The following DDX51 variants were observed in gnomAD, a reference collection of about 807,000 sequenced individuals.
DDX51 encodes the protein DEAD-box helicase 51.
A neutral mutation model predicts 74.6 loss-of-function variants in DDX51; 67 were observed. The ratio of observed to expected loss-of-function variants is 0.90; its 90% CI spans 0.74 to 1.10. The LOEUF is 1.10. Ranked by LOEUF, DDX51 falls within the 50% of genes least tolerant of loss-of-function variation. The pLI is 0.00. For synonymous variants in DDX51, 545 were observed against 402.9 expected, an observed-to-expected ratio of 1.35 and a Z score of -4.22; for missense variants, 1,056 against 905.2, an observed-to-expected ratio of 1.17 and a Z score of -2.14.
At chr12:132,142,477 C>T (rs940589310) in intron 3 of DDX51, 55 bp from the exon 4 acceptor site, 24 of 1,580,236 alleles carry the variant, frequency 1.5e-5, no homozygotes, top group East Asian at 4.5e-5. Flanking sequence ...CTAGGCCTGC[C>T]GCTTCCCTGC....
At position 132,143,076 on chromosome 12, in the gene DDX51, C is replaced by T. The variant is rs960943944; in HGVS notation, c.520-198G>A. 4 of 650,742 alleles carry T rather than the reference C, an allele frequency of 6.1e-6. No individual in the cohort carries two copies. The African/African-American group carries it at 7.3e-5, about 12-fold the overall frequency. The allele number at this position is 650,742 out of a possible 1,614,324, so 40.3% of individuals were successfully genotyped here. The stretch of plus-strand genomic sequence containing the variant: ...AGATGCCACTCCCTGAGCAAACTCA[C>T]TCTGTAGCCTCCCATCAACCCACAG... On this transcript the variant is annotated intron_variant, in intron 2 of 14. Transcript: ENST00000397333.
At position 132,143,225 on chromosome 12, in the gene DDX51, C is replaced by T. The variant is rs570414473; in HGVS notation, c.520-347G>A. 9 of 411,926 alleles carry T rather than the reference C, an allele frequency of 2.2e-5. No homozygotes were observed. The East Asian group carries it at 5.2e-4, about 24-fold the overall frequency. 25.5% of individuals were successfully genotyped at this position (411,926 alleles called of 1,614,324 possible). A position where few individuals can be genotyped will look rare whatever the true frequency, so the allele number is the denominator to read the frequency against. On this transcript the variant is annotated intron_variant, in intron 2 of 14. Transcript: ENST00000397333. ...CCAACCCCCAACCTTGACCTGGCTT[C>T]AAGTCTTTGCATCCCAACTCAAAGA...
chr12:132,139,600 C>T (rs369499606), intron 14 of DDX51, 35 bp downstream of exon 14: 13 of 1,612,922 alleles, frequency 8.1e-6, no homozygotes, highest in Non-Finnish European at 1.1e-5. Flanking sequence ...AACGCCCTCC[C>T]CAGAGGGTTT....
At position 132,140,215 on chromosome 12, in the gene DDX51, G is replaced by A. The variant is rs765202739; in HGVS notation, c.1674-16C>T. 18 of 1,608,218 alleles carry A rather than the reference G, an allele frequency of 1.1e-5. No individual in the cohort carries two copies. In the Middle Eastern group the frequency reaches 1.5e-3, roughly 133 times the overall value. ...GCTGATGAGCCTGCCGGGACACGCA[G>A]CATTGTGGGCCCGACGTGCCAGGAG... On this transcript the variant is annotated splice_polypyrimidine_tract_variant and intron_variant, in intron 11 of 14. Coordinates refer to ENST00000397333, the MANE Select transcript of DDX51 (RefSeq NM_175066.4).
At position 132,137,460 on chromosome 12, in the gene DDX51, C is replaced by G. The variant is rs936196558; in HGVS notation, c.*1812G>C. The G allele has an allele frequency of 6.6e-6, 1 of 152,244 alleles. No homozygotes were observed. The highest frequency in any genetic ancestry group is 1.5e-5 in the Non-Finnish European group (1 of 68,054). The allele number at this position is 152,244 out of a possible 1,614,324, so 9.4% of individuals were successfully genotyped here. ...TGGGGACTGGCTTTACCCCGTCTACCTAAATCATTTCTTTCTGCCTCCTGT... is the reference window on the plus strand; with the variant it reads ...TGGGGACTGGCTTTACCCCGTCTACGTAAATCATTTCTTTCTGCCTCCTGT... On this transcript the variant is annotated 3_prime_UTR_variant, in exon 15 of 15. Transcript: ENST00000397333.
At position 132,141,305 on chromosome 12, in the gene DDX51, C is replaced by G. The variant is rs773367671; in HGVS notation, c.1220G>C (p.Arg407Pro). 1 of 1,597,498 alleles carries G rather than the reference C, an allele frequency of 6.3e-7. No individual in the cohort carries two copies. Among genetic ancestry groups the G allele is most frequent in the East Asian group, 2.2e-5 (1 of 44,830 alleles). Residue 407 changes from arginine to proline, a missense_variant, in exon 8 of 15, where the codon CGA becomes CCA. Physicochemically the swap from Arg to Pro is moderately radical, Grantham distance 103 (BLOSUM62 -2). Transcript: ENST00000397333. Reference sequence around the variant, plus strand: ...GGCTGTCACAGCCTGGGCCTGCCTTCGCTGGAGCAGGGCACAGGGGTCCGC... The same window carrying G: ...GGCTGTCACAGCCTGGGCCTGCCTTGGCTGGAGCAGGGCACAGGGGTCCGC... ...DPADPCALLQ[R>P]RQAQAVTAAS...
In DDX51 at chr12:132,142,194, A is replaced by G. The variant is rs750679387; in HGVS notation, c.817-4T>C. The G allele has an allele frequency of 3.8e-6, 6 of 1,571,002 alleles. No individual in the cohort carries two copies. In the African/African-American group the frequency reaches 5.4e-5, roughly 14 times the overall value. ...AGACCACTCTCGAAAGCAGGGCCTG[A>G]GGGGGAAGGAGCGCCTGCGTCAGCA... is the stretch of plus-strand genomic sequence containing the variant. On this transcript the variant is annotated splice_polypyrimidine_tract_variant and splice_region_variant and intron_variant, in intron 4 of 14. Coordinates refer to ENST00000397333, the MANE Select transcript of DDX51 (RefSeq NM_175066.4).
Position 132,140,142 on chromosome 12 carries a change from C to A in DDX51, c.1731G>T (p.Val577=). 6 of 1,612,718 alleles carry A rather than the reference C, an allele frequency of 3.7e-6. No individual in the cohort carries two copies. The highest frequency in any genetic ancestry group is 5.1e-6 in the Non-Finnish European group (6 of 1,179,928). Residue 577 remains valine, a synonymous_variant, in exon 12 of 15, where the codon GTG becomes GTT. Coordinates refer to ENST00000397333, the MANE Select transcript of DDX51 (RefSeq NM_175066.4). The part of the protein sequence containing the change: ...RGIDVQGVEL[V]VNYDAPQYLR... ...GGTACTGGGGGGCGTCGTAGTTCACCACCAGCTCCACACCCTGCACGTCGA... is the reference window on the plus strand; with the variant it reads ...GGTACTGGGGGGCGTCGTAGTTCACAACCAGCTCCACACCCTGCACGTCGA...
Position 132,142,119 on chromosome 12 carries a change from C to G in DDX51, c.888G>C (p.Gln296His). The change falls in exon 5 of 15, where the codon CAG becomes CAC. Residue 296 changes from glutamine to histidine, a missense_variant and splice_region_variant. By Grantham distance (24) the Gln-to-His change is conservative (BLOSUM62 0). Coordinates refer to ENST00000397333, the MANE Select transcript of DDX51 (RefSeq NM_175066.4). ...VVLPTKELAQ[Q>H]VSKVFNIYTD... ...CGCTCCAGGTCTAGGGTCCACATAC[C>G]TGCTGGGCCAGCTCCTTGGTGGGCA... is the stretch of plus-strand genomic sequence containing the variant. 1 of 1,548,266 alleles carries G rather than the reference C, an allele frequency of 6.5e-7. No individual in the cohort carries two copies. The highest frequency in any genetic ancestry group is 2.3e-5 in the East Asian group (1 of 44,366).
intron 10 of DDX51, 33 bp from the exon 11 acceptor site, chr12:132,140,572 C>T: frequency 6.2e-7 from 1 of 1,612,818 alleles, no homozygotes; most frequent in Non-Finnish European, 8.5e-7. Context: ...CCAAGTGATG[C>T]TGGGACCAGA....
chr12:132,140,950 G>A lies in DDX51; in HGVS notation c.1321C>T (p.Leu441=). ...GGCTGGTGGAGGCCCAGCTGCTGCA[G>A]CTTTTCAGGGTTCTGGGTCAGAGTA... ...SATLTQNPEK[L]QQLGLHQPRL... is the part of the protein sequence containing the mutation. The change falls in exon 9 of 15, where the codon CTG becomes TTG. Residue 441 remains leucine, a synonymous_variant. Transcript: ENST00000397333. 1 of 1,613,220 alleles carries A rather than the reference G, an allele frequency of 6.2e-7. No homozygotes were observed. Among genetic ancestry groups the A allele is most frequent in the Non-Finnish European group, 8.5e-7 (1 of 1,179,918 alleles).
At chr12:132,139,466 G>T in intron 14 of DDX51, 168 bp from the exon 15 acceptor site, 2 of 1,523,288 alleles carry the variant, frequency 1.3e-6, no homozygotes, top group Non-Finnish European at 1.8e-6. Flanking sequence ...TCCACCACTG[G>T]TGCCCAGGGG....
At chr12:132,139,540 TCCTCTTTTTC>T (rs1474988629) in intron 14 of DDX51, 85 bp downstream of exon 14, 1 of 1,608,190 alleles carries the variant, frequency 6.2e-7, no homozygotes, top group Non-Finnish European at 8.5e-7. Flanking sequence ...CTTCTCGCTT[TCCTCTTTTTC>T]CCTCTTTTCT....
chr12:132,143,725 C>CA lies in DDX51; in HGVS notation c.488dup (p.Phe166ValfsTer19), dbSNP rs1369782373. 1 of 1,537,070 alleles carries CA rather than the reference C, an allele frequency of 6.5e-7. No homozygotes were observed. The highest frequency in any genetic ancestry group is 8.7e-7 in the Non-Finnish European group (1 of 1,143,878). ...GCGCCTTCCTCTTCCCGAACCCCCC[C>CA]AGCACCAGGCCGGGGACCAGGGGTC... On this transcript the variant is annotated frameshift_variant, in exon 2 of 15. Transcript: ENST00000397333. LOFTEE classifies it high-confidence loss of function.
rs1306757487 is a variant in DDX51, at chr12:132,142,371, A to G, written c.722T>C (p.Leu241Pro). The change falls in exon 4 of 15, where the codon CTG becomes CCG. Residue 241 changes from leucine to proline, a missense_variant. By Grantham distance (98) the Leu-to-Pro change is moderately conservative. Transcript: ENST00000397333. ...AGGCCGGTAGCCACCTCTGCCCACC[A>G]GAAACCCACAGGCTGCGCTCTCCAG... ...ALLESAACGF[L>P]VGRGGYRPSD... The G allele has an allele frequency of 6.2e-7, 1 of 1,613,018 alleles. No homozygotes were observed. Among genetic ancestry groups the G allele is most frequent in the Non-Finnish European group, 8.5e-7 (1 of 1,180,012 alleles).
chr12:132,143,641 A>C (rs1897570555), intron 2 of DDX51, 54 bp downstream of exon 2: 1 of 1,528,562 alleles, frequency 6.5e-7, no homozygotes, highest in South Asian at 1.2e-5. Context: ...GCACTTAAGA[A>C]TCCGCGCAGC....
intron 2 of DDX51, 59 bp downstream of exon 2, chr12:132,143,624 GACCGCCGCACTT>G: frequency 6.6e-7 from 1 of 1,511,692 alleles, no homozygotes; most frequent in South Asian, 1.2e-5. Context: ...CTTCCGGGGC[GACCGCCGCACTT>G]AAGAATCCGC....
chr12:132,139,127 G>A lies in DDX51; in HGVS notation c.*145C>T. On this transcript the variant is annotated 3_prime_UTR_variant, in exon 15 of 15. Coordinates refer to ENST00000397333, the MANE Select transcript of DDX51 (RefSeq NM_175066.4). Reference sequence around the variant, plus strand: ...TTGAGCTCTGACGCCCGGGCTGCCTGGCGCAGAGACCACGTGCTTGGGGAG... The same window carrying A: ...TTGAGCTCTGACGCCCGGGCTGCCTAGCGCAGAGACCACGTGCTTGGGGAG... The A allele has an allele frequency of 7.9e-7, 1 of 1,273,578 alleles. No homozygotes were observed. The highest frequency in any genetic ancestry group is 1.5e-5 in the African/African-American group (1 of 67,938). 78.9% of individuals were successfully genotyped at this position (1,273,578 alleles called of 1,614,324 possible).
At position 132,141,622 on chromosome 12, in the gene DDX51, C is replaced by G. The variant is rs758553326; in HGVS notation, c.996-16G>C. 1.3e-6 allele frequency: 2 copies of G among 1,557,930 alleles called. No homozygotes were observed. The highest frequency in any genetic ancestry group is 2.7e-5 in the African/African-American group (2 of 72,930). On this transcript the variant is annotated splice_polypyrimidine_tract_variant and intron_variant, in intron 6 of 14. Coordinates refer to ENST00000397333, the MANE Select transcript of DDX51 (RefSeq NM_175066.4). ...CCCATCAGCTCTACAGACCAGAGAG[C>G]AGCTCGAGAGAAGGAAGCTTTCTCA...
Sources: gnomAD v4.1 joint callset for allele counts on GRCh38, gnomAD v4.1.1 for gene constraint, MANE v1.5 for transcripts, NCBI Gene and HGNC (gene_info 2026-07-23, HGNC 2026-07-21) for gene names.